Variants in ST6GAL1 observed in about 807,000 individuals in gnomAD.
ST6GAL1 encodes the protein ST6 beta-galactoside alpha-2,6-sialyltransferase 1, also known as beta-galactoside alpha-2,6-sialyltransferase 1.
ST6GAL1 carries 20 observed loss-of-function variants against 38.0 expected under a neutral mutation model. The ratio of observed to expected loss-of-function variants is 0.53; its 90% CI spans 0.37 to 0.77. The LOEUF (loss-of-function observed/expected upper bound fraction) is 0.77. Ranked by LOEUF, ST6GAL1 falls within the 30% of genes least tolerant of loss-of-function variation. The pLI, the probability that ST6GAL1 is intolerant of heterozygous loss-of-function variation, is 0.00. For synonymous variants in ST6GAL1, 196 were observed against 188.2 expected (o/e 1.04, Z -0.34); for missense variants, 432 against 496.4 (o/e 0.87, Z 1.23).
At chr3:186,978,928 C>T (rs1035725126) in intron 2 of ST6GAL1, among the ~76,000 whole-genome samples, 1 of 151,768 alleles carries the variant, frequency 6.6e-6, no homozygotes, top group Non-Finnish European at 1.5e-5. Flanking sequence ...AACTCCTGTT[C>T]AAACTTCAAA....
chr3:186,946,908 G>A (rs544669065), intron 1 of ST6GAL1, among the ~76,000 whole-genome samples: 13 of 152,156 alleles, frequency 8.5e-5, no homozygotes, highest in African/African-American at 2.9e-4. Context: ...AACAAAATAC[G>A]TTATCAATCA....
At chr3:186,967,339 C>G (rs568518820) in intron 2 of ST6GAL1, among the ~76,000 whole-genome samples, 73 of 138,362 alleles carry the variant, frequency 5.3e-4, no homozygotes, top group African/African-American at 1.8e-3. Context: ...TTACAGGCGC[C>G]TGCCACCACA....
chr3:186,958,952 CA>C (rs58963193), intron 1 of ST6GAL1, among the ~76,000 whole-genome samples: 4,740 of 112,050 alleles, frequency 0.042, 101 homozygotes, highest in East Asian at 0.078. Context: ...GACTCCATCT[CA>C]AAAAAAAAAA....
chr3:187,075,548 G>T lies in ST6GAL1; in HGVS notation c.980-14G>T. 2.5e-6 allele frequency: 4 copies of T among 1,613,190 alleles called. No individual in the cohort carries two copies. Among genetic ancestry groups the T allele is most frequent in the Non-Finnish European group, 3.4e-6 (4 of 1,179,246 alleles). On this transcript the variant is annotated splice_polypyrimidine_tract_variant and intron_variant, in intron 7 of 7. Transcript: ENST00000169298. The surrounding 1 kb of genome is among the most constrained non-coding windows in gnomAD (Gnocchi z 4.1). ...GGGTTGTCAGGCATGACTCACCTCT[G>T]CTCCCCTCTCCAGGTATCATCATCA...
intron 2 of ST6GAL1, among the ~76,000 whole-genome samples, chr3:186,990,660 TTTTTTTTG>T (rs1441894647): frequency 2.0e-4 from 30 of 149,614 alleles, no homozygotes; most frequent in African/African-American, 7.3e-4. Flanking sequence ...CTTTTTTTTT[TTTTTTTTG>T]ATTTCCTCTA....
chr3:187,033,384 GGC>G (rs1717821173), intron 2 of ST6GAL1, among the ~76,000 whole-genome samples: 1 of 102,496 alleles, frequency 9.8e-6, no homozygotes, highest in Admixed American at 9.5e-5. Context: ...CTTCTGCCTG[GGC>G]CGACAGAGAG....
At chr3:186,961,448 A>G (rs1054482883) in intron 1 of ST6GAL1, among the ~76,000 whole-genome samples, 24 of 152,202 alleles carry the variant, frequency 1.6e-4, no homozygotes, top group African/African-American at 5.3e-4. Flanking sequence ...TTTAAGTCAG[A>G]GTTCTACCCT....
At chr3:187,071,498 C>A (rs1425599294) in intron 5 of ST6GAL1, among the ~76,000 whole-genome samples, 1 of 151,192 alleles carries the variant, frequency 6.6e-6, no homozygotes, top group African/African-American at 2.4e-5. Flanking sequence ...GCCTGTAATC[C>A]CAGCACTTTG....
intron 5 of ST6GAL1, among the ~76,000 whole-genome samples, chr3:187,057,574 C>A (rs1375205206): frequency 1.3e-5 from 2 of 152,180 alleles, no homozygotes; most frequent in African/African-American, 4.8e-5. Flanking sequence ...TTGGAGTTTG[C>A]TGGAGGTCCA....
intron 5 of ST6GAL1, chr3:187,071,954 A>G (rs908570227): frequency 2.0e-5 from 3 of 152,152 alleles, no homozygotes; most frequent in African/African-American, 7.2e-5. Context: ...TAACATTTAC[A>G]TGCATTATTT....
intron 1 of ST6GAL1, among the ~76,000 whole-genome samples, chr3:186,951,422 G>A (rs1367751260): frequency 6.6e-6 from 1 of 152,106 alleles, no homozygotes; most frequent in African/African-American, 2.4e-5. Flanking sequence ...CATTTTGTTG[G>A]TCCATTGGTT....
At chr3:186,989,324 T>A (rs1297225039) in intron 2 of ST6GAL1, among the ~76,000 whole-genome samples, 1 of 152,196 alleles carries the variant, frequency 6.6e-6, no homozygotes, top group African/African-American at 2.4e-5. Flanking sequence ...AGGAAATGGA[T>A]ACTTAGGGGA....
chr3:186,988,381 G>A (rs1716028700), intron 2 of ST6GAL1, among the ~76,000 whole-genome samples: 1 of 151,938 alleles, frequency 6.6e-6, no homozygotes, highest in Non-Finnish European at 1.5e-5. Flanking sequence ...TCACACTGAC[G>A]GAAAATTTGA....
At chr3:187,061,599 T>G (rs1275927432) in intron 5 of ST6GAL1, among the ~76,000 whole-genome samples, 3 of 152,120 alleles carry the variant, frequency 2.0e-5, no homozygotes, top group Admixed American at 2.0e-4. Flanking sequence ...GATGAGTGTG[T>G]CAGGATCGTT....
At chr3:187,066,625 T>TGTG (rs1182402876) in intron 5 of ST6GAL1, among the ~76,000 whole-genome samples, 13 of 151,990 alleles carry the variant, frequency 8.6e-5, no homozygotes, top group Admixed American at 8.5e-4. Flanking sequence ...TGTGTGTGTG[T>TGTG]GTGTGTTTCT....
intron 2 of ST6GAL1, among the ~76,000 whole-genome samples, chr3:186,974,217 A>G (rs1408163341): frequency 2.0e-5 from 3 of 151,864 alleles, no homozygotes; most frequent in Non-Finnish European, 4.4e-5. Context: ...GCGCCTGGCC[A>G]CCCCAGGGCC....
At chr3:187,030,235 G>A (rs1317495582) in intron 2 of ST6GAL1, among the ~76,000 whole-genome samples, 2 of 152,190 alleles carry the variant, frequency 1.3e-5, no homozygotes, top group Non-Finnish European at 2.9e-5. Flanking sequence ...TGGGGTCATA[G>A]GTAGCGCTGT....
intron 1 of ST6GAL1, among the ~76,000 whole-genome samples, chr3:186,936,810 C>T (rs911163799): frequency 4.6e-5 from 7 of 151,852 alleles, no homozygotes; most frequent in African/African-American, 1.7e-4. Flanking sequence ...ACATGGTGGG[C>T]AGGTGCCTGT....
intron 1 of ST6GAL1, among the ~76,000 whole-genome samples, chr3:186,936,403 C>T (rs1713953370): frequency 6.6e-6 from 1 of 152,104 alleles, no homozygotes; most frequent in Non-Finnish European, 1.5e-5. Flanking sequence ...GTGATTTGTT[C>T]CATAAGAACT....
Sources: gnomAD v4.1 joint callset for allele counts (sites outside exome capture counted in the v4.1 genomes callset) on GRCh38, gnomAD v4.1.1 for gene constraint, Gnocchi (gnomAD v3.1) non-coding constraint, MANE v1.5 for transcripts, NCBI Gene and HGNC (gene_info 2026-07-23, HGNC 2026-07-21) for gene names.